Variants in VPS13B observed in about 807,000 individuals in gnomAD.
VPS13B encodes vacuolar protein sorting 13 homolog B, also known as intermembrane lipid transfer protein VPS13B.
Under a neutral mutation model 426.4 loss-of-function variants are expected in VPS13B, and 285 were observed. The observed-to-expected ratio is 0.67, with a 90% CI of 0.61 to 0.74. The LOEUF is 0.74. Ranked by LOEUF, VPS13B falls within the 30% of genes least tolerant of loss-of-function variation. The pLI is 0.00. For synonymous variants in VPS13B, 1,676 were observed against 1,676.4 expected (o/e 1.00, Z 0.01); for missense variants, 4,537 against 4,782.6 (o/e 0.95, Z 1.51).
intron 30 of VPS13B, among the ~76,000 whole-genome samples, chr8:99,553,855 A>G (rs1563792664): frequency 1.3e-5 from 2 of 152,096 alleles, no homozygotes; most frequent in Admixed American, 1.3e-4. Flanking sequence ...GCAAGCAATA[A>G]GAAAAAATAT....
At chr8:99,456,528 T>G (rs960054973) in intron 23 of VPS13B, among the ~76,000 whole-genome samples, 2 of 152,220 alleles carry the variant, frequency 1.3e-5, no homozygotes, top group African/African-American at 4.8e-5. Context: ...AATAGTTTTT[T>G]GAATATATTG....
At chr8:99,743,078 C>A (rs1809847350) in intron 39 of VPS13B, among the ~76,000 whole-genome samples, 2 of 152,280 alleles carry the variant, frequency 1.3e-5, no homozygotes, top group South Asian at 4.2e-4. Flanking sequence ...TAGAAAACCC[C>A]ATTATCTCAG....
chr8:99,845,292 C>T (rs528610591), intron 54 of VPS13B, among the ~76,000 whole-genome samples: 6 of 152,238 alleles, frequency 3.9e-5, no homozygotes, highest in Non-Finnish European at 8.8e-5. Flanking sequence ...TACATGGTCA[C>T]TCAGGGACCC....
intron 4 of VPS13B, among the ~76,000 whole-genome samples, chr8:99,099,371 T>C (rs1846607157): frequency 6.6e-6 from 1 of 152,208 alleles, no homozygotes; most frequent in Admixed American, 6.5e-5. Context: ...CTACGATGTT[T>C]TTATGTACTG....
chr8:99,130,688 C>G (rs1809738757), intron 8 of VPS13B, among the ~76,000 whole-genome samples: 1 of 152,092 alleles, frequency 6.6e-6, no homozygotes, highest in East Asian at 1.9e-4. Flanking sequence ...CCGCATGAGT[C>G]CTTTTAATCA....
At chr8:99,705,913 C>G (rs1279419407) in intron 36 of VPS13B, among the ~76,000 whole-genome samples, 1 of 152,022 alleles carries the variant, frequency 6.6e-6, no homozygotes, top group African/African-American at 2.4e-5. Flanking sequence ...CTTAGGATAT[C>G]AGAGCGATCT....
intron 33 of VPS13B, among the ~76,000 whole-genome samples, chr8:99,596,309 C>T (rs1293424108): frequency 6.6e-6 from 1 of 151,840 alleles, no homozygotes; most frequent in East Asian, 1.9e-4. Context: ...CTTAGGAAAC[C>T]AGATGGAAAT....
At chr8:99,161,732 C>CTTTTTTTTT (rs374438896) in intron 15 of VPS13B, among the ~76,000 whole-genome samples, 1 of 131,068 alleles carries the variant, frequency 7.6e-6, no homozygotes, top group Non-Finnish European at 1.6e-5. Flanking sequence ...GTACTAAATC[C>CTTTTTTTTT]TTTTTTTTTT....
chr8:99,738,936 G>T (rs1833948432), intron 39 of VPS13B, among the ~76,000 whole-genome samples: 1 of 152,208 alleles, frequency 6.6e-6, no homozygotes, highest in Non-Finnish European at 1.5e-5. Flanking sequence ...TCCAACTGAG[G>T]TACCAGGTTC....
intron 17 of VPS13B, chr8:99,233,199 C>T (rs1563617128): frequency 2.9e-6 from 4 of 1,389,074 alleles, no homozygotes; most frequent in African/African-American, 1.4e-5. Context: ...TTTCATCGGG[C>T]GTTTGGTCAC....
chr8:99,577,649 T>G lies in VPS13B; in HGVS notation c.5220+16T>G. The G allele has an allele frequency of 6.2e-7, 1 of 1,612,978 alleles. No individual in the cohort carries two copies. ...GGCTGCAGAGGTAACTGTTACCTGA[T>G]TTTGATCAGGCTTACTGCATTTGTT... On this transcript the variant is annotated intron_variant, in intron 33 of 61. Coordinates refer to ENST00000357162, the MANE Select transcript of VPS13B (RefSeq NM_152564.5).
At chr8:99,646,597 ATGTATGAT>A (rs943579894) in intron 34 of VPS13B, among the ~76,000 whole-genome samples, 23 of 152,266 alleles carry the variant, frequency 1.5e-4, no homozygotes, top group African/African-American at 5.5e-4. Flanking sequence ...TTTTGCACAT[ATGTATGAT>A]TGTATGATTT....
At chr8:99,115,622 CTT>C in intron 6 of VPS13B, 76 bp from the exon 7 acceptor site, 1 of 1,433,030 alleles carries the variant, frequency 7.0e-7, no homozygotes, top group Non-Finnish European at 9.6e-7. Context: ...CATTTAAAGA[CTT>C]TAAAACATTT....
rs1355359714 is a variant in VPS13B at position 99,121,249 on chromosome 8, A to G, written c.1010A>G (p.Gln337Arg). Reference sequence around the variant, plus strand: ...AAAGGTCAAGAGTTATATTCACAGCAAGATGAGGAGCAGCCACAGGGATGG... The same window carrying G: ...AAAGGTCAAGAGTTATATTCACAGCGAGATGAGGAGCAGCCACAGGGATGG... ...QHKGQELYSQ[Q>R]DEEQPQGWVS... is the part of the protein sequence containing the mutation. The change falls in exon 8 of 62, where the codon CAA (glutamine) becomes CGA (arginine). Residue 337 changes from glutamine to arginine, a missense_variant. Physicochemically the swap from Gln to Arg is conservative, Grantham distance 43. Transcript: ENST00000357162. The G allele has an allele frequency of 6.8e-6, 11 of 1,614,060 alleles. No homozygotes were observed. The highest frequency in any genetic ancestry group is 8.5e-6 in the Non-Finnish European group (10 of 1,180,032).
At chr8:99,715,996 GTTTA>G (rs1001050322) in intron 36 of VPS13B, among the ~76,000 whole-genome samples, 3 of 151,900 alleles carry the variant, frequency 2.0e-5, no homozygotes, top group Non-Finnish European at 2.9e-5. Context: ...TTTTTTGCTT[GTTTA>G]TTTGTTTGTT....
intron 29 of VPS13B, among the ~76,000 whole-genome samples, chr8:99,520,569 G>A (rs1229426027): frequency 2.6e-5 from 4 of 151,990 alleles, no homozygotes; most frequent in Admixed American, 2.6e-4. Context: ...GGAGAAATAT[G>A]CAGATTGTGA....
chr8:99,019,325 G>A (rs986130180), intron 2 of VPS13B, among the ~76,000 whole-genome samples: 1 of 151,074 alleles, frequency 6.6e-6, no homozygotes, highest in African/African-American at 2.4e-5. Flanking sequence ...TCCTGCCTCA[G>A]CCTCTCAAGC....
At chr8:99,466,494 T>A (rs1443758002) in intron 23 of VPS13B, among the ~76,000 whole-genome samples, 1 of 152,168 alleles carries the variant, frequency 6.6e-6, no homozygotes, top group Non-Finnish European at 1.5e-5. Flanking sequence ...TAATACTAAA[T>A]GGACTTTTTA....
chr8:99,189,500 G>A (rs573234360), intron 16 of VPS13B, among the ~76,000 whole-genome samples: 1 of 151,538 alleles, frequency 6.6e-6, no homozygotes, highest in Non-Finnish European at 1.5e-5. Flanking sequence ...GTGACACATT[G>A]TGCACGTTGT....
Sources: gnomAD v4.1 joint callset for allele counts (sites outside exome capture counted in the v4.1 genomes callset) on GRCh38, gnomAD v4.1.1 for gene constraint, MANE v1.5 for transcripts, NCBI Gene and HGNC (gene_info 2026-07-23, HGNC 2026-07-21) for gene names.